The following MUC5B variants were observed in gnomAD, a reference collection of about 807,000 sequenced individuals.
The protein encoded by MUC5B is mucin-5B.
MUC5B carries 116 observed loss-of-function variants against 376.9 expected under a neutral mutation model. The observed-to-expected ratio is 0.31, with a 90% CI of 0.26 to 0.36. MUC5B has a LOEUF of 0.36. Among genes scored for constraint, MUC5B ranks in the 10% least tolerant of loss-of-function variants. The pLI, the probability that MUC5B is intolerant of heterozygous loss-of-function variation, is 1.00. For synonymous variants in MUC5B, 3,517 were observed against 3,390.9 expected (o/e 1.04, Z -1.29); for missense variants, 7,165 against 7,769.9 (o/e 0.92, Z 2.93).
intron 3 of MUC5B, 71 bp from the exon 4 acceptor site, chr11:1,226,544 G>A: frequency 6.6e-7 from 1 of 1,524,276 alleles, no homozygotes; most frequent in Non-Finnish European, 8.8e-7. Flanking sequence ...AAACCAGGGT[G>A]CCTCGGCCCA....
At position 1,246,593 on chromosome 11, in the gene MUC5B, C is replaced by T. The variant is rs780823228; in HGVS notation, c.9713C>T (p.Thr3238Ile). 47 of 1,613,316 alleles carry T rather than the reference C, an allele frequency of 2.9e-5. No homozygotes were observed. The highest frequency in any genetic ancestry group is 1.6e-4 in the Middle Eastern group (1 of 6,084). ...ACCACACCCACAGCTACCAGCGTTA[C>T]AGCCATCCCCTCTTCCTCCCTGGGC... The part of the protein sequence containing the change: ...TATTPTATSV[T>I]AIPSSSLGTA... The change falls in exon 31 of 49, where the codon ACA becomes ATA. Residue 3238 changes from threonine to isoleucine, a missense_variant. By Grantham distance (89) the Thr-to-Ile change is moderately conservative (BLOSUM62 -1). This residue lies in a region of MUC5B where 939 missense variants were observed against 770.6 expected (regional missense o/e 1.22). Transcript: ENST00000529681.
At position 1,239,434 on chromosome 11, in the gene MUC5B, C is replaced by T. The variant is rs1179885328; in HGVS notation, c.3455-4C>T. 1 of 1,606,196 alleles carries T rather than the reference C, an allele frequency of 6.2e-7. No homozygotes were observed. Among genetic ancestry groups the T allele is most frequent in the Non-Finnish European group, 8.5e-7 (1 of 1,175,024 alleles). ...CTCCTTAGCCTCTGCCCTCTGTGCC[C>T]CAGCCTTGTTCTGTGACTTCTACAA... is the stretch of plus-strand genomic sequence containing the variant. On this transcript the variant is annotated splice_region_variant and splice_polypyrimidine_tract_variant and intron_variant, in intron 26 of 48. Coordinates refer to ENST00000529681, the MANE Select transcript of MUC5B (RefSeq NM_002458.3).
At position 1,246,454 on chromosome 11, in the gene MUC5B, A is replaced by C. The variant is rs753377006; in HGVS notation, c.9574A>C (p.Thr3192Pro). ...CTCCTCCACCCGGGCAACTGCTGGC[A>C]CCCTCAAAGTGCTGACCAGCACGGC... ...TASSTRATAG[T>P]LKVLTSTATT... The change falls in exon 31 of 49, where the codon ACC (threonine) becomes CCC (proline). Residue 3192 changes from threonine to proline, a missense_variant. Physicochemically the swap from Thr to Pro is conservative, Grantham distance 38. Coordinates refer to ENST00000529681, the MANE Select transcript of MUC5B (RefSeq NM_002458.3). 2 of 1,612,216 alleles carry C rather than the reference A, an allele frequency of 1.2e-6. No individual in the cohort carries two copies. The highest frequency in any genetic ancestry group is 2.2e-5 in the East Asian group (1 of 44,706).
In MUC5B at chr11:1,258,487, C is replaced by T. The variant is rs1406474446; in HGVS notation, c.16593+120C>T. The T allele has an allele frequency of 1.2e-5, 15 of 1,217,936 alleles. No homozygotes were observed. In the Admixed American group the frequency reaches 2.6e-4, roughly 21 times the overall value. The allele number at this position is 1,217,936 out of a possible 1,614,324, so 75.4% of individuals were successfully genotyped here. On this transcript the variant is annotated intron_variant, in intron 43 of 48. Transcript: ENST00000529681. The surrounding 1 kb of genome is among the most constrained non-coding windows in gnomAD (Gnocchi z 5.5). The stretch of plus-strand genomic sequence containing the variant: ...TTCCTGCCCTGAGGGCCGATCCGCA[C>T]AGGGGCCCTGGACACGTCAGAGCTG...
At chr11:1,233,938 C>A in intron 19 of MUC5B, 90 bp downstream of exon 19, 1 of 1,331,628 alleles carries the variant, frequency 7.5e-7, no homozygotes, top group Non-Finnish European at 1.0e-6. Context: ...TGCCCCACCC[C>A]ACCTGAACCC....
In MUC5B at chr11:1,236,648, C is replaced by T. The variant is rs982208624; in HGVS notation, c.3057+86C>T. ...GGTGCCAGGTGGGGTCTGTGGGACTCGCTGACCCGTGGGTGCGTGAGCCTG... is the reference window on the plus strand; with the variant it reads ...GGTGCCAGGTGGGGTCTGTGGGACTTGCTGACCCGTGGGTGCGTGAGCCTG... On this transcript the variant is annotated intron_variant, in intron 24 of 48. Transcript: ENST00000529681. 100 of 1,398,396 alleles carry T rather than the reference C, an allele frequency of 7.2e-5. No individual in the cohort carries two copies. In the African/African-American group the frequency reaches 8.8e-4, roughly 12 times the overall value. The allele number at this position is 1,398,396 out of a possible 1,614,324, so 86.6% of individuals were successfully genotyped here. A position where few individuals can be genotyped will look rare whatever the true frequency, so the allele number is the denominator to read the frequency against.
rs757240751 is a variant in MUC5B at position 1,247,893 on chromosome 11, C to T, written c.11013C>T (p.Cys3671=). The stretch of plus-strand genomic sequence containing the variant: ...TGTTCTGCTGCAACTACGGCCACTG[C>T]CCCAGCACCCCGGCCACCAGCTCTA... The part of the protein sequence containing the change: ...IRVFCCNYGH[C]PSTPATSSTA... The change falls in exon 31 of 49, where the codon TGC becomes TGT. Residue 3671 remains cysteine, a synonymous_variant. Coordinates refer to ENST00000529681, the MANE Select transcript of MUC5B (RefSeq NM_002458.3). 5 of 1,611,226 alleles carry T rather than the reference C, an allele frequency of 3.1e-6. No homozygotes were observed. The highest frequency in any genetic ancestry group is 4.2e-6 in the Non-Finnish European group (5 of 1,178,936).
chr11:1,229,022 C>A, intron 8 of MUC5B, 148 bp from the exon 9 acceptor site: 1 of 980,194 alleles, frequency 1.0e-6, no homozygotes, highest in Non-Finnish European at 1.5e-6. Context: ...GAGCTGCCCA[C>A]GATGAGGGGC....
In MUC5B at chr11:1,226,569, G is replaced by C. The variant is rs144224133; in HGVS notation, c.200-46G>C. The C allele has an allele frequency of 2.0e-5, 31 of 1,574,074 alleles. No individual in the cohort carries two copies. In the South Asian group the frequency reaches 3.5e-4, roughly 18 times the overall value. ...GCCTCGGCCCAGGGGAGGCTACCCC[G>C]TGGGGGGCTGGCATGGGGATGGGCC... On this transcript the variant is annotated intron_variant, in intron 3 of 48. Transcript: ENST00000529681.
rs78678736 is a variant in MUC5B at position 1,238,927 on chromosome 11, G to A, written c.3354G>A (p.Ser1118=). The A allele has an allele frequency of 6.3e-4, 996 of 1,573,344 alleles. 11 individuals are homozygous for A. In the African/African-American group the frequency reaches 8.1e-3, roughly 13 times the overall value. ...ACVNDACACD[S]GGDCECFCTA... ...TGAACGACGCGTGTGCCTGCGACTC[G>A]GGTGGCGACTGCGAGTGTTTCTGCA... Residue 1118 remains serine, a synonymous_variant, in exon 26 of 49, where the codon TCG becomes TCA. Transcript: ENST00000529681.
rs763407006 is a variant in MUC5B at position 1,232,169 on chromosome 11, C to T, written c.1843+9C>T. 16 of 1,583,000 alleles carry T rather than the reference C, an allele frequency of 1.0e-5. No individual in the cohort carries two copies. Among genetic ancestry groups the T allele is most frequent in the African/African-American group, 8.1e-5 (6 of 74,468 alleles). On this transcript the variant is annotated intron_variant, in intron 15 of 48. Coordinates refer to ENST00000529681, the MANE Select transcript of MUC5B (RefSeq NM_002458.3). ...CCTCAGTGTGGAGAATGGTACTCCTCGCCCCCACCCCCACAGTCACCCCAG... is the reference window on the plus strand; with the variant it reads ...CCTCAGTGTGGAGAATGGTACTCCTTGCCCCCACCCCCACAGTCACCCCAG...
rs1178779770 is a variant in MUC5B, at chr11:1,234,735, C to A, written c.2630+55C>A. 1.2e-4 allele frequency: 18 copies of A among 151,348 alleles called. No individual in the cohort carries two copies. The highest frequency in any genetic ancestry group is 1.7e-4 in the Non-Finnish European group (16 of 91,790). The allele number at this position is 151,348 out of a possible 1,614,324, so 9.4% of individuals were successfully genotyped here. A position where few individuals can be genotyped will look rare whatever the true frequency, so the allele number is the denominator to read the frequency against. Reference sequence around the variant, plus strand: ...GTGGGGAGGGCGGGGGCGGGGAGGGCAGCGGGTGGGGAGGCAGCGGGCAGG... The same window carrying A: ...GTGGGGAGGGCGGGGGCGGGGAGGGAAGCGGGTGGGGAGGCAGCGGGCAGG... On this transcript the variant is annotated intron_variant, in intron 21 of 48. Transcript: ENST00000529681. The surrounding 1 kb of genome is among the most constrained non-coding windows in gnomAD (Gnocchi z 6.3).
chr11:1,247,222 C>G lies in MUC5B; in HGVS notation c.10342C>G (p.Pro3448Ala). 1 of 1,568,334 alleles carries G rather than the reference C, an allele frequency of 6.4e-7. No individual in the cohort carries two copies. The highest frequency in any genetic ancestry group is 8.8e-7 in the Non-Finnish European group (1 of 1,142,522). ...AGGGACCACCCACACACCCCCAGTG[C>G]CGAACACCACGGCCACCACACACGG... The part of the protein sequence containing the change: ...ALGTTHTPPV[P>A]NTTATTHGRS... The change falls in exon 31 of 49, where the codon CCG (proline) becomes GCG (alanine). Residue 3448 changes from proline to alanine, a missense_variant. Pro to Ala is a conservative substitution (Grantham distance 27). Transcript: ENST00000529681.
intron 13 of MUC5B, 108 bp from the exon 14 acceptor site, chr11:1,231,315 C>T (rs1862022768): frequency 2.2e-6 from 3 of 1,342,350 alleles, no homozygotes; most frequent in Admixed American, 2.5e-5. Context: ...CTGGGTCTCA[C>T]TCCCGGGTCT....
At chr11:1,252,092 C>T (rs924343936) in intron 31 of MUC5B, among the ~76,000 whole-genome samples, 8 of 152,012 alleles carry the variant, frequency 5.3e-5, no homozygotes, top group Non-Finnish European at 1.5e-5. Flanking sequence ...CACAATCAGT[C>T]CCCACTGGCC....
rs923974603 is a variant in MUC5B at position 1,251,282 on chromosome 11, G to A, written c.14402G>A (p.Arg4801Lys). The A allele has an allele frequency of 4.3e-6, 7 of 1,610,214 alleles. No homozygotes were observed. The highest frequency in any genetic ancestry group is 5.9e-6 in the Non-Finnish European group (7 of 1,177,686). ...CTGACCACCACAGCCACCATGACAA[G>A]GGCCACCAATTCCACGGCCACACCC... ...TVLTTTATMT[R>K]ATNSTATPSS... is the part of the protein sequence containing the mutation. The change falls in exon 31 of 49, where the codon AGG (arginine) becomes AAG (lysine). Residue 4801 changes from arginine (R) to lysine (K), a missense_variant. This residue lies in a region of MUC5B where 730 missense variants were observed against 592.7 expected (regional missense o/e 1.23). Coordinates refer to ENST00000529681, the MANE Select transcript of MUC5B (RefSeq NM_002458.3).
rs779061683 is a variant in MUC5B, at chr11:1,251,217, C to T, written c.14337C>T (p.His4779=). Residue 4779 remains histidine (H), a synonymous_variant, in exon 31 of 49, where the codon CAC becomes CAT. Coordinates refer to ENST00000529681, the MANE Select transcript of MUC5B (RefSeq NM_002458.3). ...TTPMSTMSTI[H]TSSTPETTHT... is the part of the protein sequence containing the mutation. ...CCATGTCCACCATGTCCACAATCCA[C>T]ACCTCCTCTACTCCAGAGACCACCC... is the stretch of plus-strand genomic sequence containing the variant. 3 of 1,611,392 alleles carry T rather than the reference C, an allele frequency of 1.9e-6. No homozygotes were observed. The highest frequency in any genetic ancestry group is 1.7e-5 in the Admixed American group (1 of 59,978).
Position 1,247,507 on chromosome 11 carries a change from G to A in MUC5B, c.10627G>A (p.Ala3543Thr). 2 of 1,608,546 alleles carry A rather than the reference G, an allele frequency of 1.2e-6. No individual in the cohort carries two copies. Among genetic ancestry groups the A allele is most frequent in the Non-Finnish European group, 1.7e-6 (2 of 1,177,740 alleles). The change falls in exon 31 of 49, where the codon GCC (alanine) becomes ACC (threonine). Residue 3543 changes from alanine to threonine, a missense_variant. Coordinates refer to ENST00000529681, the MANE Select transcript of MUC5B (RefSeq NM_002458.3). ...GGGCACCTCCAGGACCACAGCCACA[G>A]CCACACCCAGCAAGACCCGCACCTC... ...TRGTSRTTATATPSKTRTSTL... is the reference protein window; with the variant it reads ...TRGTSRTTATTTPSKTRTSTL...
Position 1,241,317 on chromosome 11 carries a change from C to A in MUC5B, c.4437C>A (p.Ala1479=), listed in dbSNP as rs1220489768. The A allele has an allele frequency of 1.2e-6, 2 of 1,607,992 alleles. No individual in the cohort carries two copies. Among genetic ancestry groups the A allele is most frequent in the Admixed American group, 1.7e-5 (1 of 58,942 alleles). ...WVTPSIRSTA[A]LTSQTGSSSG... ...CCCCGAGCATCCGGTCGACGGCGGC[C>A]CTCACCTCGCAGACTGGGTCCAGCT... The change falls in exon 31 of 49, where the codon GCC becomes GCA. Residue 1479 remains alanine, a synonymous_variant. Transcript: ENST00000529681.
Sources: gnomAD v4.1 joint callset for allele counts (sites outside exome capture counted in the v4.1 genomes callset) on GRCh38, gnomAD v4.1.1 for gene constraint, gnomAD v4.1.1 regional missense constraint, Gnocchi (gnomAD v3.1) non-coding constraint, MANE v1.5 for transcripts, NCBI Gene and HGNC (gene_info 2026-07-23, HGNC 2026-07-21) for gene names.